RNF150: variants seen among roughly 807,000 people sequenced by gnomAD.
RNF150 encodes the protein ring finger protein 150.
Under a neutral mutation model 39.3 loss-of-function variants are expected in RNF150, and 24 were observed. That is an observed-to-expected ratio of 0.61 (90% CI 0.44 to 0.86). RNF150 has a LOEUF of 0.86. Ranked by LOEUF, RNF150 falls within the 40% of genes least tolerant of loss-of-function variation. The pLI is 0.00. For missense variants in RNF150, 502 were observed against 587.8 expected (o/e 0.85, Z 1.51); for synonymous variants, 255 against 227.3 (o/e 1.12, Z -1.10).
chr4:141,049,889 G>A (rs1736713768), intron 1 of RNF150, among the ~76,000 whole-genome samples: 1 of 152,000 alleles, frequency 6.6e-6, no homozygotes, highest in South Asian at 2.1e-4. Flanking sequence ...AGATAAATGT[G>A]ATAAGGAAAT....
chr4:141,136,593 C>A (rs1420873701), upstream of RNF150, among the ~76,000 whole-genome samples: 1 of 141,466 alleles, frequency 7.1e-6, no homozygotes, highest in African/African-American at 2.5e-5. Context: ...GCTATACCAC[C>A]CCCCAAATAT....
At chr4:141,010,654 G>A (rs745318058) in intron 1 of RNF150, among the ~76,000 whole-genome samples, 90 of 152,150 alleles carry the variant, frequency 5.9e-4, no homozygotes, top group Non-Finnish European at 7.9e-4. Flanking sequence ...AACCCTGATC[G>A]TGAGGGACTG....
chr4:141,189,228 G>A (rs1560773397), intron 1 of RNF150, among the ~76,000 whole-genome samples: 1 of 152,184 alleles, frequency 6.6e-6, no homozygotes, highest in Non-Finnish European at 1.5e-5. Flanking sequence ...TACCAGTGGA[G>A]GCTGCAGAAC....
At position 141,086,027 on chromosome 4, in the gene RNF150, TACACACACACACAC is replaced by T. The variant is rs10527153; in HGVS notation, c.484+46284_484+46297del. On this transcript the variant is annotated intron_variant, in intron 1 of 6. Transcript: ENST00000515673. Reference sequence around the variant, plus strand: ...AGCTTAAACGATAAGTGAGAAGAGTTACACACACACACACACACACACACACACACACACACACA... The same window carrying T: ...AGCTTAAACGATAAGTGAGAAGAGTTACACACACACACACACACACACACA... Among the ~76,000 whole-genome samples, 497 of 140,108 alleles carry T rather than the reference TACACACACACACAC, an allele frequency of 3.5e-3. 2 individuals carry two copies. The highest frequency in any genetic ancestry group is 0.012 in the African/African-American group (460 of 37,038). The allele number at this position is 140,108 out of a possible 152,430, so 91.9% of individuals were successfully genotyped here.
At chr4:141,110,796 T>G (rs1739362133) in intron 1 of RNF150, among the ~76,000 whole-genome samples, 1 of 152,092 alleles carries the variant, frequency 6.6e-6, no homozygotes, top group South Asian at 2.1e-4. Context: ...TTTGTTAATT[T>G]GGCTTCTGTT....
chr4:141,158,458 CTT>C (rs1727454272), intron 1 of RNF150, among the ~76,000 whole-genome samples: 2 of 18,518 alleles, frequency 1.1e-4, no homozygotes, highest in South Asian at 4.9e-3. Context: ...ACTTGTCACT[CTT>C]TCAAAAAAAA....
At chr4:141,071,317 G>A (rs1002959060) in intron 1 of RNF150, among the ~76,000 whole-genome samples, 13 of 151,210 alleles carry the variant, frequency 8.6e-5, no homozygotes, top group Non-Finnish European at 1.6e-4. Flanking sequence ...CACCGGCATG[G>A]CACATGTATA....
intron 4 of RNF150, among the ~76,000 whole-genome samples, chr4:140,929,842 G>C (rs1731555352): frequency 6.6e-6 from 1 of 152,112 alleles, no homozygotes; most frequent in Non-Finnish European, 1.5e-5. Flanking sequence ...GCAATCATTT[G>C]AACGATCTTA....
chr4:141,093,696 CTA>C (rs1005397075), intron 1 of RNF150, among the ~76,000 whole-genome samples: 1 of 152,152 alleles, frequency 6.6e-6, no homozygotes, highest in Non-Finnish European at 1.5e-5. Flanking sequence ...AAGGAGAACT[CTA>C]TAAACATCTG....
intron 1 of RNF150, among the ~76,000 whole-genome samples, chr4:141,060,975 C>A (rs1194577352): frequency 6.6e-6 from 1 of 152,060 alleles, no homozygotes; most frequent in African/African-American, 2.4e-5. Context: ...ACATCACACA[C>A]TGGGGCCTTT....
In RNF150 at chr4:140,947,733, T is replaced by C. The variant is rs759009754; in HGVS notation, c.811A>G (p.Thr271Ala). Residue 271 changes from threonine to alanine, a missense_variant, in exon 4 of 7, where the codon ACA (threonine) becomes GCA (alanine). Thr to Ala is a moderately conservative substitution (Grantham distance 58). Coordinates refer to ENST00000515673, the MANE Select transcript of RNF150 (RefSeq NM_020724.2). ...GCACAGTTGTCAAAATCAGACTCTG[T>C]TTCCTGCAACAGAGGAAGCACAGAT... ...IRTIKKGDKETESDFDNCAVC... is the reference protein window; with the variant it reads ...IRTIKKGDKEAESDFDNCAVC... The C allele has an allele frequency of 1.3e-6, 2 of 1,592,334 alleles. No individual in the cohort carries two copies. The highest frequency in any genetic ancestry group is 1.8e-5 in the Admixed American group (1 of 56,652).
chr4:141,115,553 G>C (rs1453291865), intron 1 of RNF150, among the ~76,000 whole-genome samples: 2 of 152,110 alleles, frequency 1.3e-5, no homozygotes, highest in Non-Finnish European at 2.9e-5. Context: ...CGTGAAATTG[G>C]CCATACTGCC....
intron 1 of RNF150, among the ~76,000 whole-genome samples, chr4:141,189,622 G>T (rs1728070595): frequency 6.6e-6 from 1 of 152,278 alleles, no homozygotes; most frequent in Admixed American, 6.5e-5. Context: ...TAGAGAGGCA[G>T]TCTGGCCACA....
intron 1 of RNF150, among the ~76,000 whole-genome samples, chr4:141,086,027 TACACACACACACACACAC>T (rs10527153): frequency 8.6e-5 from 12 of 140,114 alleles, no homozygotes; most frequent in African/African-American, 2.7e-4. Context: ...TGAGAAGAGT[TACACACACACACACACAC>T]ACACACACAC....
At chr4:141,024,723 A>T (rs1735627348) in intron 1 of RNF150, among the ~76,000 whole-genome samples, 1 of 152,160 alleles carries the variant, frequency 6.6e-6, no homozygotes, top group African/African-American at 2.4e-5. Flanking sequence ...GTATGGGATA[A>T]AATAAGGATC....
At chr4:141,106,940 A>G (rs761055177) in intron 1 of RNF150, among the ~76,000 whole-genome samples, 38 of 152,208 alleles carry the variant, frequency 2.5e-4, no homozygotes, top group Non-Finnish European at 2.4e-4. Flanking sequence ...ACTATGTCAA[A>G]TATAGACTGC....
intron 5 of RNF150, among the ~76,000 whole-genome samples, chr4:140,924,822 T>G (rs976073817): frequency 6.6e-6 from 1 of 152,214 alleles, no homozygotes; most frequent in Admixed American, 6.5e-5. Flanking sequence ...CAAGTTGATG[T>G]GTGTTCAGAG....
intron 6 of RNF150, among the ~76,000 whole-genome samples, chr4:140,893,200 T>C (rs946448853): frequency 6.6e-6 from 1 of 150,662 alleles, no homozygotes; most frequent in Non-Finnish European, 1.5e-5. Flanking sequence ...ATTTAAATAT[T>C]CCACCCATGG....
At position 140,911,308 on chromosome 4, in the gene RNF150, G is replaced by C; in HGVS notation, c.1034C>G (p.Ser345Cys). The change falls in exon 6 of 7, where the codon TCT (serine) becomes TGT (cysteine). Residue 345 changes from serine (S) to cysteine (C), a missense_variant. Ser to Cys is a moderately radical substitution (Grantham distance 112). Coordinates refer to ENST00000515673, the MANE Select transcript of RNF150 (RefSeq NM_020724.2). ...CTGGTTGGTGGGTGGACCTCCCAGA[G>C]AGCCCTCGAAGTCAGTGGGCAAGTC... The part of the protein sequence containing the change: ...MDDLPTDFEG[S>C]LGGPPTNQIT... The C allele has an allele frequency of 1.2e-6, 2 of 1,614,178 alleles. No individual in the cohort carries two copies. Among genetic ancestry groups the C allele is most frequent in the Non-Finnish European group, 1.7e-6 (2 of 1,180,022 alleles).
Sources: gnomAD v4.1 joint callset for allele counts (sites outside exome capture counted in the v4.1 genomes callset) on GRCh38, gnomAD v4.1.1 for gene constraint, MANE v1.5 for transcripts, NCBI Gene and HGNC (gene_info 2026-07-23, HGNC 2026-07-21) for gene names.